KCNIP4: variants seen among roughly 807,000 people sequenced by gnomAD.
KCNIP4 encodes the protein Kv channel-interacting protein 4.
In KCNIP4, 12 loss-of-function variants were observed where a neutral mutation model predicts 34.0. The observed-to-expected ratio is 0.35, with a 90% confidence interval of 0.23 to 0.57. The LOEUF is 0.57. Ranked by LOEUF, KCNIP4 falls within the 20% of genes least tolerant of loss-of-function variation. The pLI is 0.83. For synonymous variants in KCNIP4, 124 were observed against 102.2 expected, an observed-to-expected ratio of 1.21 and a Z score of -1.29; for missense variants, 238 against 311.7, an observed-to-expected ratio of 0.76 and a Z score of 1.78.
chr4:21,364,935 A>C (rs1003689864), intron 1 of KCNIP4, among the ~76,000 whole-genome samples: 3 of 152,162 alleles, frequency 2.0e-5, no homozygotes, highest in Non-Finnish European at 4.4e-5. Flanking sequence ...AAGTGAATAT[A>C]AAGATAGGAA....
rs1025560939 is a variant in KCNIP4, at chr4:20,837,703, G to A, written c.288+12840C>T. On this transcript the variant is annotated intron_variant, in intron 3 of 8. Coordinates refer to ENST00000382152, the MANE Select transcript of KCNIP4 (RefSeq NM_025221.6). ...ATATATATATTTTTTTTTCCTTGGA[G>A]ATGGAGTCTCGCTCTGTCACCCAGG... Among the ~76,000 whole-genome samples the A allele has an allele frequency of 1.3e-4, 18 of 134,164 alleles. No individual in the cohort carries two copies. The East Asian group carries it at 3.4e-3, about 25-fold the overall frequency. The allele number at this position is 134,164 out of a possible 152,430, so 88.0% of individuals were successfully genotyped here. A position where few individuals can be genotyped will look rare whatever the true frequency, so the allele number is the denominator to read the frequency against.
At chr4:21,012,134 C>T (rs960636431) in intron 1 of KCNIP4, among the ~76,000 whole-genome samples, 5 of 152,200 alleles carry the variant, frequency 3.3e-5, no homozygotes, top group African/African-American at 1.2e-4. Context: ...AGGACATGGG[C>T]TTATAGAGAA....
At position 20,900,161 on chromosome 4, in the gene KCNIP4, T is replaced by A. The variant is rs187066374; in HGVS notation, c.62-17452A>T. Among the ~76,000 whole-genome samples, 518 of 152,288 alleles carry A rather than the reference T, an allele frequency of 3.4e-3. 3 individuals are homozygous for A. The highest frequency in any genetic ancestry group is 6.0e-3 in the Non-Finnish European group (407 of 68,016). ...TATTGAATCTATCAGATTCTCCAGC[T>A]CTTCCAGATCTCAATGAAATGGAAT... On this transcript the variant is annotated intron_variant, in intron 1 of 8. Coordinates refer to ENST00000382152, the MANE Select transcript of KCNIP4 (RefSeq NM_025221.6).
chr4:21,666,063 C>CAAGGATT (rs1748928354), intron 1 of KCNIP4, among the ~76,000 whole-genome samples: 1 of 152,236 alleles, frequency 6.6e-6, no homozygotes, highest in East Asian at 1.9e-4. Context: ...AAGGATTTCT[C>CAAGGATT]TGTTGCTCCT....
intron 4 of KCNIP4, among the ~76,000 whole-genome samples, chr4:20,754,995 A>G (rs1448147075): frequency 6.6e-6 from 1 of 152,220 alleles, no homozygotes; most frequent in Non-Finnish European, 1.5e-5. Context: ...AACAATTTAG[A>G]AAAACATGAG....
chr4:21,869,581 C>T (rs1310361943), intron 1 of KCNIP4, among the ~76,000 whole-genome samples: 6 of 152,060 alleles, frequency 3.9e-5, no homozygotes, highest in Admixed American at 3.9e-4. Flanking sequence ...CAGGGTCAAC[C>T]TAAATTCCCT....
intron 1 of KCNIP4, among the ~76,000 whole-genome samples, chr4:21,625,943 T>C (rs926330231): frequency 6.6e-6 from 1 of 152,140 alleles, no homozygotes; most frequent in Non-Finnish European, 1.5e-5. Flanking sequence ...CAAAAGCCTT[T>C]GACCCACAAA....
intron 1 of KCNIP4, among the ~76,000 whole-genome samples, chr4:20,931,763 G>T (rs11946257): frequency 0.13 from 20,359 of 151,916 alleles, 1,911 homozygotes; most frequent in African/African-American, 0.28. Context: ...GACAATAAGT[G>T]GTTCCCAGGG....
intron 1 of KCNIP4, among the ~76,000 whole-genome samples, chr4:21,399,571 C>A (rs1167766355): frequency 6.6e-6 from 1 of 151,418 alleles, no homozygotes; most frequent in Middle Eastern, 3.2e-3. Flanking sequence ...TTTGAACTGG[C>A]TTTTAAGTCA....
At chr4:21,842,654 G>A (rs1723757595) in intron 1 of KCNIP4, among the ~76,000 whole-genome samples, 1 of 152,104 alleles carries the variant, frequency 6.6e-6, no homozygotes, top group Middle Eastern at 3.4e-3. Context: ...ATTGCATATT[G>A]CCATTTCAAT....
At chr4:21,450,558 A>T (rs1402551595) in intron 1 of KCNIP4, among the ~76,000 whole-genome samples, 1 of 152,280 alleles carries the variant, frequency 6.6e-6, no homozygotes, top group East Asian at 1.9e-4. Flanking sequence ...ATGACGAAGT[A>T]AAGGGTGGGG....
chr4:21,553,306 A>G (rs919594423), intron 1 of KCNIP4, among the ~76,000 whole-genome samples: 6 of 152,158 alleles, frequency 3.9e-5, no homozygotes, highest in Non-Finnish European at 5.9e-5. Context: ...CGTTCCGTAA[A>G]TTGAAATCAA....
At chr4:21,352,322 C>A (rs189037828) in intron 1 of KCNIP4, among the ~76,000 whole-genome samples, 3 of 152,152 alleles carry the variant, frequency 2.0e-5, no homozygotes, top group African/African-American at 7.2e-5. Context: ...CAGGGTGGGA[C>A]GTCGCCTCAC....
intron 1 of KCNIP4, among the ~76,000 whole-genome samples, chr4:21,201,934 C>A (rs1167387169): frequency 6.6e-6 from 1 of 152,212 alleles, no homozygotes; most frequent in African/African-American, 2.4e-5. Flanking sequence ...CATCACCCAT[C>A]ATAATTTTAT....
chr4:21,434,469 T>A (rs1726771387), intron 1 of KCNIP4, among the ~76,000 whole-genome samples: 1 of 152,150 alleles, frequency 6.6e-6, no homozygotes, highest in Non-Finnish European at 1.5e-5. Flanking sequence ...ATGTAACATT[T>A]GAGTGCTGGG....
chr4:21,466,279 C>T (rs939219004), intron 1 of KCNIP4, among the ~76,000 whole-genome samples: 2 of 152,110 alleles, frequency 1.3e-5, no homozygotes, highest in African/African-American at 4.8e-5. Context: ...TTATAGTATG[C>T]TGTGGATACA....
At chr4:20,883,326 G>A (rs1007590779) in intron 1 of KCNIP4, among the ~76,000 whole-genome samples, 7 of 152,106 alleles carry the variant, frequency 4.6e-5, no homozygotes, top group Non-Finnish European at 7.4e-5. Flanking sequence ...GCTAATGAAT[G>A]GAACTTTTTC....
chr4:21,922,499 CT>C (rs1219840758), intron 1 of KCNIP4, among the ~76,000 whole-genome samples: 3 of 152,242 alleles, frequency 2.0e-5, no homozygotes, highest in African/African-American at 7.2e-5. Context: ...CTTTTATATG[CT>C]TCATGGTTTT....
At chr4:21,725,323 T>C (rs560059403) in intron 1 of KCNIP4, among the ~76,000 whole-genome samples, 5 of 152,232 alleles carry the variant, frequency 3.3e-5, no homozygotes, top group African/African-American at 1.2e-4. Context: ...CTGGAGCTGG[T>C]GTGTTAGAGT....
Sources: allele counts gnomAD v4.1 joint callset (sites outside exome capture counted in the v4.1 genomes callset), GRCh38; gene constraint gnomAD v4.1.1; transcripts MANE v1.5; gene names NCBI Gene and HGNC (gene_info 2026-07-23, HGNC 2026-07-21).